Variants in CACNA1E observed in about 807,000 individuals in gnomAD.
CACNA1E encodes the protein calcium voltage-gated channel subunit alpha1 E.
CACNA1E carries 40 observed loss-of-function variants against 259.2 expected under a neutral mutation model. The observed-to-expected ratio is 0.15, with a 90% CI of 0.12 to 0.20. The LOEUF (loss-of-function observed/expected upper bound fraction) is 0.20. Ranked by LOEUF, CACNA1E falls within the 10% of genes least tolerant of loss-of-function variation. The pLI is 1.00. For missense variants in CACNA1E, 1,874 were observed against 3,040.1 expected, an observed-to-expected ratio of 0.62 and a Z score of 9.02; for synonymous variants, 1,104 against 1,138.5, an observed-to-expected ratio of 0.97 and a Z score of 0.61.
rs1651121230 is a variant in CACNA1E, at chr1:181,577,831, G to A, written c.578G>A (p.Arg193His). The A allele has an allele frequency of 1.2e-6, 2 of 1,611,590 alleles. No individual in the cohort carries two copies. Among genetic ancestry groups the A allele is most frequent in the African/African-American group, 1.3e-5 (1 of 74,872 alleles). The change falls in exon 4 of 48, where the codon CGT (arginine) becomes CAT (histidine). Residue 193 changes from arginine (R) to histidine (H), a missense_variant. This residue lies in a region of CACNA1E where 55 missense variants were observed against 156.5 expected (regional missense o/e 0.35). Coordinates refer to ENST00000367573, the MANE Select transcript of CACNA1E (RefSeq NM_001205293.3). ...GACCTGAGGACCCTCCGGGCTGTGC[G>A]TGTCCTGCGGCCTTTGAAGCTCGTG... Reference protein sequence around the residue: ...HVDLRTLRAVRVLRPLKLVSG... With the variant: ...HVDLRTLRAVHVLRPLKLVSG...
intron 1 of CACNA1E, among the ~76,000 whole-genome samples, chr1:181,404,310 C>T (rs1657314825): frequency 6.6e-6 from 1 of 152,206 alleles, no homozygotes; most frequent in African/African-American, 2.4e-5. Context: ...TCTAATCTTA[C>T]AAGTGCCTTG....
chr1:181,479,068 G>A (rs1414120189), upstream of CACNA1E, among the ~76,000 whole-genome samples: 1 of 152,224 alleles, frequency 6.6e-6, no homozygotes, highest in Non-Finnish European at 1.5e-5. Context: ...AGCTCCTGTT[G>A]GGTTTCCACT....
intron 2 of CACNA1E, among the ~76,000 whole-genome samples, chr1:181,421,367 G>A: frequency 6.6e-6 from 1 of 152,144 alleles, no homozygotes; most frequent in Middle Eastern, 3.2e-3. Context: ...CTGGTGGGGG[G>A]TCCTCAAAAT....
At chr1:181,341,562 C>T (rs927141164) in intron 1 of CACNA1E, among the ~76,000 whole-genome samples, 1 of 152,210 alleles carries the variant, frequency 6.6e-6, no homozygotes. Context: ...TTCTCCTGGG[C>T]TTCAGCTCAA....
intron 14 of CACNA1E, 77 bp downstream of exon 14, chr1:181,720,414 T>A: frequency 6.8e-7 from 1 of 1,467,006 alleles, no homozygotes; most frequent in South Asian, 1.2e-5. Context: ...GGTCATTAAC[T>A]CAATCACCAT....
rs1490799586 is a variant in CACNA1E, at chr1:181,785,720, C to T, written c.5687C>T (p.Ala1896Val). 1.2e-6 allele frequency: 2 copies of T among 1,609,834 alleles called. No individual in the cohort carries two copies. The highest frequency in any genetic ancestry group is 3.3e-5 in the Admixed American group (2 of 59,790). ...TTCCCTCTTTTTACCCAGAAAAATGCCCCCATGTTCCAGCGCATGGAGCCT... is the reference window on the plus strand; with the variant it reads ...TTCCCTCTTTTTACCCAGAAAAATGTCCCCATGTTCCAGCGCATGGAGCCT... Reference protein sequence around the residue: ...QRQQLEEQKNAPMFQRMEPSS... With the variant: ...QRQQLEEQKNVPMFQRMEPSS... The change falls in exon 43 of 48, where the codon GCC becomes GTC. Residue 1896 changes from alanine (A) to valine (V), a missense_variant. Ala to Val is a moderately conservative substitution (Grantham distance 64, BLOSUM62 0). Coordinates refer to ENST00000367573, the MANE Select transcript of CACNA1E (RefSeq NM_001205293.3).
At chr1:181,493,540 C>T (rs1440350371) in intron 1 of CACNA1E, among the ~76,000 whole-genome samples, 1 of 152,058 alleles carries the variant, frequency 6.6e-6, no homozygotes, top group Non-Finnish European at 1.5e-5. Flanking sequence ...TGTTCTTTCC[C>T]TTCCTGTTTT....
In CACNA1E at chr1:181,546,197, C is replaced by A. The variant is rs566093219; in HGVS notation, c.513-31569C>A. 4.6e-5 allele frequency among the ~76,000 whole-genome samples: 7 copies of A among 152,270 alleles called. No individual in the cohort carries two copies. The South Asian group carries it at 1.5e-3, about 32-fold the overall frequency. ...GTCTCAGGCCAGTTGGGAAGCCTGG[C>A]AGCGTGTGCCATCCCTGAGCAAGAG... On this transcript the variant is annotated intron_variant, in intron 3 of 47. Coordinates refer to ENST00000367573, the MANE Select transcript of CACNA1E (RefSeq NM_001205293.3).
chr1:181,427,821 G>A (rs929635536), intron 2 of CACNA1E, among the ~76,000 whole-genome samples: 2 of 132,960 alleles, frequency 1.5e-5, no homozygotes, highest in African/African-American at 5.6e-5. Flanking sequence ...TTTCTGTGAT[G>A]AACATGAAAT....
intron 7 of CACNA1E, among the ~76,000 whole-genome samples, chr1:181,667,591 A>G (rs1284906147): frequency 4.6e-5 from 7 of 152,186 alleles, no homozygotes; most frequent in East Asian, 1.9e-4. Flanking sequence ...GTACAAATAC[A>G]TAAGGTTATC....
At chr1:181,550,047 A>C (rs1344310599) in intron 3 of CACNA1E, among the ~76,000 whole-genome samples, 1 of 152,102 alleles carries the variant, frequency 6.6e-6, no homozygotes, top group African/African-American at 2.4e-5. Context: ...GTTGGGGGTA[A>C]TTAGGGAGGA....
intron 12 of CACNA1E, 67 bp downstream of exon 12, chr1:181,718,234 C>A (rs1654087889): frequency 1.3e-6 from 1 of 776,732 alleles, no homozygotes; most frequent in Non-Finnish European, 2.2e-6. Flanking sequence ...AGATAAGCAG[C>A]TTGCTCCTTA....
At chr1:181,364,713 G>A (rs1264184793) in intron 1 of CACNA1E, among the ~76,000 whole-genome samples, 4 of 152,232 alleles carry the variant, frequency 2.6e-5, no homozygotes, top group Non-Finnish European at 5.9e-5. Context: ...TCCGAGTGGA[G>A]CAGCATGTTG....
At chr1:181,520,341 C>CA (rs1666902053) in intron 3 of CACNA1E, among the ~76,000 whole-genome samples, 1 of 148,564 alleles carries the variant, frequency 6.7e-6, no homozygotes, top group Non-Finnish European at 1.5e-5. Flanking sequence ...AAGTGTTTTG[C>CA]AAAACAATAA....
chr1:181,382,735 C>T (rs1655543841), intron 1 of CACNA1E, among the ~76,000 whole-genome samples: 2 of 152,198 alleles, frequency 1.3e-5, no homozygotes, highest in Admixed American at 6.5e-5. Flanking sequence ...TTTAAAGCTT[C>T]CCGTGTGCTT....
At chr1:181,750,712 T>C (rs147108594) in intron 26 of CACNA1E, among the ~76,000 whole-genome samples, 2 of 152,314 alleles carry the variant, frequency 1.3e-5, no homozygotes, top group Non-Finnish European at 2.9e-5. Context: ...TTTAGGTATG[T>C]AGACAGATGA....
chr1:181,767,481 A>G (rs1659122134), intron 35 of CACNA1E, among the ~76,000 whole-genome samples: 1 of 152,242 alleles, frequency 6.6e-6, no homozygotes, highest in South Asian at 2.1e-4. Flanking sequence ...AGCCTCCTGC[A>G]GTCAGGCAGT....
chr1:181,720,543 C>T (rs1444325285), intron 14 of CACNA1E, among the ~76,000 whole-genome samples: 1 of 152,146 alleles, frequency 6.6e-6, no homozygotes, highest in Admixed American at 6.5e-5. Context: ...ATTCCGGGGA[C>T]CCATCTCTTT....
At chr1:181,558,625 G>A (rs1442648233) in intron 3 of CACNA1E, among the ~76,000 whole-genome samples, 1 of 152,184 alleles carries the variant, frequency 6.6e-6, no homozygotes, top group African/African-American at 2.4e-5. Context: ...TAGTTCAGGT[G>A]ACTGGAGGGT....
Sources: gnomAD v4.1 joint callset for allele counts (sites outside exome capture counted in the v4.1 genomes callset) on GRCh38, gnomAD v4.1.1 for gene constraint, gnomAD v4.1.1 regional missense constraint, MANE v1.5 for transcripts, NCBI Gene and HGNC (gene_info 2026-07-23, HGNC 2026-07-21) for gene names.